Variants in MED12L observed in about 807,000 individuals in gnomAD.
The protein encoded by MED12L is mediator of RNA polymerase II transcription subunit 12-like protein.
In MED12L, 60 loss-of-function variants were observed where a neutral mutation model predicts 281.3. That is an observed-to-expected ratio of 0.21 (90% CI 0.17 to 0.26). MED12L has a LOEUF of 0.26. Among genes scored for constraint, MED12L ranks in the 10% least tolerant of loss-of-function variants. The probability of loss-of-function intolerance (pLI) is 1.00; values close to 1 mark genes in which losing one functional copy is unlikely to be tolerated. For missense variants in MED12L, 2,146 were observed against 2,680.9 expected (o/e 0.80, Z 4.41); for synonymous variants, 974 against 987.2 (o/e 0.99, Z 0.25).
chr3:151,248,660 A>G (rs140613241), intron 16 of MED12L, among the ~76,000 whole-genome samples: 41 of 152,296 alleles, frequency 2.7e-4, no homozygotes, highest in Non-Finnish European at 5.0e-4. Flanking sequence ...ATGCCTTATC[A>G]AATTAAAAAA....
chr3:151,356,071 A>C, intron 19 of MED12L, 32 bp downstream of exon 19: 1 of 1,593,320 alleles, frequency 6.3e-7, no homozygotes, highest in Non-Finnish European at 8.5e-7. Context: ...TCTTACTTTT[A>C]GGAAAGCAAA....
chr3:151,364,905 G>A (rs1436149081), intron 21 of MED12L, 74 bp from the exon 22 acceptor site: 2 of 1,054,764 alleles, frequency 1.9e-6, no homozygotes, highest in Admixed American at 1.8e-5. Flanking sequence ...CATTTAATAT[G>A]TCCTTAAGTG....
chr3:151,386,521 C>T (rs1713376712), intron 36 of MED12L, among the ~76,000 whole-genome samples: 1 of 151,076 alleles, frequency 6.6e-6, no homozygotes, highest in African/African-American at 2.4e-5. Context: ...TCCTGAGTAC[C>T]TGGGATTACA....
intron 16 of MED12L, chr3:151,338,676 G>T: frequency 6.2e-7 from 1 of 1,613,682 alleles, no homozygotes; most frequent in Admixed American, 1.7e-5. Flanking sequence ...AATAAAGTTT[G>T]ATTTACTCCG....
At chr3:151,364,823 G>C (rs528133923) in intron 21 of MED12L, among the ~76,000 whole-genome samples, 156 bp from the exon 22 acceptor site, 1 of 152,078 alleles carries the variant, frequency 6.6e-6, no homozygotes, top group Admixed American at 6.5e-5. Flanking sequence ...TTTGATTAGC[G>C]CCAATTAGTA....
At chr3:151,424,568 C>T (rs1279709609) in intron 43 of MED12L, among the ~76,000 whole-genome samples, 5 of 152,100 alleles carry the variant, frequency 3.3e-5, no homozygotes, top group African/African-American at 1.2e-4. Flanking sequence ...TTGCAGTGAG[C>T]CGAGATTGCG....
intron 16 of MED12L, among the ~76,000 whole-genome samples, chr3:151,201,251 G>A (rs975307482): frequency 2.7e-5 from 4 of 150,316 alleles, no homozygotes; most frequent in African/African-American, 7.4e-5. Context: ...TCTCTCACAC[G>A]CACATTTAAA....
At chr3:151,199,955 T>C (rs73019099) in intron 16 of MED12L, among the ~76,000 whole-genome samples, 6,113 of 151,884 alleles carry the variant, frequency 0.04, 404 homozygotes, top group African/African-American at 0.14. Context: ...CAAGAGTCTG[T>C]CTCAAAAACA....
intron 44 of MED12L, 96 bp from the exon 45 acceptor site, chr3:151,432,656 C>A: frequency 1.1e-6 from 1 of 877,936 alleles, no homozygotes; most frequent in South Asian, 1.5e-5. Context: ...TTCCCTGTAC[C>A]TGCAGCTGGT....
chr3:151,238,376 A>G lies in MED12L; in HGVS notation c.2250+44710A>G, dbSNP rs573640209. On this transcript the variant is annotated intron_variant, in intron 16 of 44. Coordinates refer to ENST00000687756, the MANE Select transcript of MED12L (RefSeq NM_001393769.1). ...TGGTCAGGCTGGTCTCGAACTCCTG[A>G]CCTCAGGTGATCCACCCGCCTCAGC... 2.1e-4 allele frequency among the ~76,000 whole-genome samples: 32 copies of G among 152,164 alleles called. No homozygotes were observed. The East Asian group carries it at 6.0e-3, about 29-fold the overall frequency.
intron 16 of MED12L, among the ~76,000 whole-genome samples, chr3:151,230,145 T>A (rs1731356677): frequency 6.6e-6 from 1 of 152,056 alleles, no homozygotes; most frequent in Non-Finnish European, 1.5e-5. Context: ...AATTTTTGTT[T>A]TTGCATTTTT....
chr3:151,348,444 G>A lies in MED12L; in HGVS notation c.2251-1615G>A, dbSNP rs78011685. Among the ~76,000 whole-genome samples the A allele has an allele frequency of 9.9e-4, 150 of 151,742 alleles. 1 individual carries two copies. In the East Asian group the frequency reaches 0.026, roughly 26 times the overall value. On this transcript the variant is annotated intron_variant, in intron 16 of 44. Transcript: ENST00000687756. ...CAAGCAGCTCAGCTCATTCAGATGC[G>A]CAGCCAGCTCTAGGGATCACTGCTT...
intron 16 of MED12L, among the ~76,000 whole-genome samples, chr3:151,306,424 T>C (rs1384333742): frequency 1.3e-5 from 2 of 152,216 alleles, no homozygotes; most frequent in African/African-American, 4.8e-5. Context: ...ATAAAACTGC[T>C]TTCGGTGGGG....
At chr3:151,346,247 C>G (rs899135656) in intron 16 of MED12L, among the ~76,000 whole-genome samples, 5 of 152,148 alleles carry the variant, frequency 3.3e-5, no homozygotes, top group Non-Finnish European at 7.3e-5. Context: ...AGCTAAGAGG[C>G]CATTGTCTCT....
At chr3:151,251,334 A>G (rs1210536730) in intron 16 of MED12L, among the ~76,000 whole-genome samples, 2 of 151,910 alleles carry the variant, frequency 1.3e-5, no homozygotes, top group Non-Finnish European at 2.9e-5. Flanking sequence ...CAACAATTAA[A>G]CACTCTGTCT....
At chr3:151,212,404 G>T (rs1326480707) in intron 16 of MED12L, 1 of 152,060 alleles carries the variant, frequency 6.6e-6, no homozygotes, top group Non-Finnish European at 1.5e-5. Flanking sequence ...AAAAAATCAA[G>T]TTTATTTGCT....
intron 16 of MED12L, among the ~76,000 whole-genome samples, chr3:151,325,989 A>G (rs1412310947): frequency 6.6e-6 from 1 of 152,240 alleles, no homozygotes; most frequent in Non-Finnish European, 1.5e-5. Flanking sequence ...AAGATCAGAC[A>G]TCAAGAGTAC....
intron 16 of MED12L, chr3:151,328,917 A>G (rs1750017989): frequency 6.2e-7 from 1 of 1,613,790 alleles, no homozygotes. Flanking sequence ...AGGGCTGGGA[A>G]TACCAGCTGT....
intron 16 of MED12L, among the ~76,000 whole-genome samples, chr3:151,307,780 C>CTTTTTTTTTTTTTTTTTTTTTTT (rs1746914776): frequency 6.6e-6 from 1 of 151,864 alleles, no homozygotes; most frequent in African/African-American, 2.4e-5. Flanking sequence ...TGAGCTCTAG[C>CTTTTTTTTTTTTTTTTTTTTTTT]TTTTAAGACC....
Sources: gnomAD v4.1 joint callset for allele counts (sites outside exome capture counted in the v4.1 genomes callset) on GRCh38, gnomAD v4.1.1 for gene constraint, MANE v1.5 for transcripts, NCBI Gene and HGNC (gene_info 2026-07-23, HGNC 2026-07-21) for gene names.